The following NRXN1 variants were observed in gnomAD, a reference collection of about 807,000 sequenced individuals.
The protein encoded by NRXN1 is neurexin 1, also known as neurexin-1.
In NRXN1, 39 loss-of-function variants were observed where a neutral mutation model predicts 150.9. The ratio of observed to expected loss-of-function variants is 0.26; its 90% CI spans 0.20 to 0.34. The LOEUF (loss-of-function observed/expected upper bound fraction) is 0.34, where lower values mean the gene tolerates loss of function less well. Among genes scored for constraint, NRXN1 ranks in the 10% least tolerant of loss-of-function variants. The pLI is 1.00. For missense variants in NRXN1, 1,815 were observed against 1,949.9 expected (o/e 0.93, Z 1.30); for synonymous variants, 924 against 757.0 (o/e 1.22, Z -3.62).
chr2:50,041,340 G>A (rs184410882), intron 21 of NRXN1, among the ~76,000 whole-genome samples: 3 of 152,254 alleles, frequency 2.0e-5, no homozygotes, highest in Admixed American at 1.3e-4. Flanking sequence ...TGCAATGAGT[G>A]TCTTTTAAAA....
intron 22 of NRXN1, among the ~76,000 whole-genome samples, chr2:49,932,964 A>G (rs1046695362): frequency 2.0e-5 from 3 of 152,202 alleles, no homozygotes; most frequent in South Asian, 2.1e-4. Flanking sequence ...AATATTTTAT[A>G]TACTCAGTGT....
intron 17 of NRXN1, among the ~76,000 whole-genome samples, chr2:50,408,871 CT>C (rs2082948513): frequency 6.6e-6 from 1 of 151,244 alleles, no homozygotes; most frequent in Non-Finnish European, 1.5e-5. Context: ...CTCTCTCTCT[CT>C]CTCATATTTA....
intron 17 of NRXN1, among the ~76,000 whole-genome samples, chr2:50,440,782 G>T (rs7607203): frequency 3.3e-5 from 5 of 151,796 alleles, no homozygotes; most frequent in East Asian, 1.9e-4. Flanking sequence ...TTTATGAAAA[G>T]GTGCACATAA....
intron 8 of NRXN1, among the ~76,000 whole-genome samples, chr2:50,603,883 A>G (rs1189633950): frequency 6.6e-6 from 1 of 152,136 alleles, no homozygotes; most frequent in African/African-American, 2.4e-5. Context: ...ACTGCATCTC[A>G]TGAAGCCAGT....
intron 5 of NRXN1, among the ~76,000 whole-genome samples, chr2:50,655,771 T>C (rs1686362592): frequency 6.6e-6 from 1 of 151,902 alleles, no homozygotes. Flanking sequence ...AACTAGTGTA[T>C]ATGATTTTAA....
intron 8 of NRXN1, chr2:50,619,010 G>A (rs1679512675): frequency 6.6e-6 from 1 of 152,012 alleles, no homozygotes; most frequent in South Asian, 2.1e-4. Context: ...CACATACTGG[G>A]CAACAAATCA....
intron 2 of NRXN1, among the ~76,000 whole-genome samples, chr2:50,973,828 A>T (rs1695405824): frequency 6.6e-6 from 1 of 152,146 alleles, no homozygotes; most frequent in Non-Finnish European, 1.5e-5. Context: ...AGTCATTATT[A>T]GTGGATTTAA....
intron 5 of NRXN1, among the ~76,000 whole-genome samples, chr2:50,635,782 GAGTTAGA>G (rs1166013657): frequency 1.3e-5 from 2 of 152,160 alleles, no homozygotes; most frequent in Non-Finnish European, 2.9e-5. Flanking sequence ...GGGAAGTGGG[GAGTTAGA>G]AGTAGTTGAA....
intron 21 of NRXN1, among the ~76,000 whole-genome samples, chr2:50,049,761 A>C (rs1227724522): frequency 6.6e-6 from 1 of 152,062 alleles, no homozygotes; most frequent in Non-Finnish European, 1.5e-5. Flanking sequence ...AGACATTGCA[A>C]GTTTAATTAG....
intron 2 of NRXN1, among the ~76,000 whole-genome samples, chr2:50,954,449 A>T (rs570798859): frequency 2.6e-5 from 4 of 152,336 alleles, no homozygotes; most frequent in African/African-American, 9.6e-5. Context: ...CACAGAGTCC[A>T]ACCCAGAGCG....
chr2:50,808,914 T>A (rs1250874957), intron 5 of NRXN1, among the ~76,000 whole-genome samples: 2 of 152,106 alleles, frequency 1.3e-5, no homozygotes, highest in African/African-American at 4.8e-5. Flanking sequence ...TCCCAGGTAA[T>A]CATACCATCC....
At chr2:50,947,864 G>A (rs7607728) in intron 2 of NRXN1, among the ~76,000 whole-genome samples, 35,888 of 151,674 alleles carry the variant, frequency 0.24, 5,525 homozygotes, top group East Asian at 0.51. Flanking sequence ...GGAAAAACTT[G>A]TTTTCTCATC....
intron 8 of NRXN1, among the ~76,000 whole-genome samples, chr2:50,562,691 G>A (rs1411326118): frequency 3.3e-5 from 5 of 151,920 alleles, no homozygotes; most frequent in African/African-American, 1.2e-4. Flanking sequence ...ACATTTTTTT[G>A]TCCTTCTTTT....
intron 5 of NRXN1, among the ~76,000 whole-genome samples, chr2:50,780,268 G>A (rs370341798): frequency 1.6e-4 from 24 of 152,100 alleles, no homozygotes; most frequent in East Asian, 3.9e-4. Flanking sequence ...ATGGATAGAC[G>A]GCAAAAATTT....
intron 5 of NRXN1, among the ~76,000 whole-genome samples, chr2:50,844,354 T>A (rs1421250468): frequency 6.6e-6 from 1 of 152,194 alleles, no homozygotes; most frequent in African/African-American, 2.4e-5. Flanking sequence ...CTTTCTTCCC[T>A]TTTATAGGCT....
At chr2:50,697,355 C>T (rs1308926480) in intron 5 of NRXN1, among the ~76,000 whole-genome samples, 4 of 152,098 alleles carry the variant, frequency 2.6e-5, no homozygotes, top group Non-Finnish European at 5.9e-5. Context: ...AGAGGATGCT[C>T]ATTAAATTTG....
intron 2 of NRXN1, among the ~76,000 whole-genome samples, chr2:50,938,369 G>T (rs531807752): frequency 6.6e-6 from 1 of 152,158 alleles, no homozygotes; most frequent in African/African-American, 2.4e-5. Flanking sequence ...CTAAAACGCT[G>T]TTATGCCACA....
At chr2:50,428,757 T>A (rs758058269) in intron 17 of NRXN1, among the ~76,000 whole-genome samples, 2 of 152,132 alleles carry the variant, frequency 1.3e-5, no homozygotes, top group East Asian at 1.9e-4. Context: ...AGCACATATA[T>A]CCCTATGCTA....
intron 18 of NRXN1, among the ~76,000 whole-genome samples, chr2:50,194,149 T>C (rs1399290114): frequency 6.6e-6 from 1 of 152,148 alleles, no homozygotes; most frequent in African/African-American, 2.4e-5. Context: ...AATGGTAAAA[T>C]GGTTATTACA....
Sources: allele counts gnomAD v4.1 joint callset (sites outside exome capture counted in the v4.1 genomes callset), GRCh38; gene constraint gnomAD v4.1.1; transcripts MANE v1.5; gene names NCBI Gene and HGNC (gene_info 2026-07-23, HGNC 2026-07-21).